Variants in SH3KBP1 observed in about 807,000 individuals in gnomAD.
The protein encoded by SH3KBP1 is SH3 domain-containing kinase-binding protein 1.
SH3KBP1 carries 8 observed loss-of-function variants against 50.1 expected under a neutral mutation model. That is an observed-to-expected ratio of 0.16 (90% CI 0.09 to 0.29). The LOEUF (loss-of-function observed/expected upper bound fraction) is 0.29. SH3KBP1 is among the 10% of genes least tolerant of loss of function. The probability of loss-of-function intolerance (pLI) is 1.00; values close to 1 mark genes in which losing one functional copy is unlikely to be tolerated. For synonymous variants in SH3KBP1, 227 were observed against 218.6 expected, an observed-to-expected ratio of 1.04 and a Z score of -0.34; for missense variants, 377 against 535.2, an observed-to-expected ratio of 0.70 and a Z score of 2.92.
At chrX:19,795,117 T>C (rs1327562037) in intron 2 of SH3KBP1, among the ~76,000 whole-genome samples, 1 of 112,090 alleles carries the variant, frequency 8.9e-6, no homozygotes. Flanking sequence ...CCCTTTCATT[T>C]CTATGCACAC....
At chrX:19,691,987 T>C (rs909862835) in intron 5 of SH3KBP1, among the ~76,000 whole-genome samples, 1 of 112,006 alleles carries the variant, frequency 8.9e-6, no homozygotes, top group African/African-American at 3.2e-5. Flanking sequence ...AGAGGTTCAT[T>C]ATACTATTAT....
At chrX:19,836,376 G>A (rs182575743) in intron 1 of SH3KBP1, 94 bp from the exon 2 acceptor site, 1 of 773,238 alleles carries the variant, frequency 1.3e-6, no homozygotes, top group Non-Finnish European at 1.9e-6. Flanking sequence ...TAACATTAAA[G>A]GGACTTCCCC....
intron 2 of SH3KBP1, among the ~76,000 whole-genome samples, chrX:19,774,224 T>C (rs1022982661): frequency 9.0e-6 from 1 of 111,309 alleles, no homozygotes; most frequent in Non-Finnish European, 1.9e-5. Flanking sequence ...CTCCTATTTC[T>C]GGTATGAAAT....
intron 13 of SH3KBP1, among the ~76,000 whole-genome samples, chrX:19,559,486 C>T (rs2065604677): frequency 1.9e-5 from 2 of 105,004 alleles, no homozygotes; most frequent in Admixed American, 1.0e-4. Flanking sequence ...GCCACCACAC[C>T]CACCTAAAAG....
chrX:19,872,004 C>T (rs1277941604), intron 1 of SH3KBP1, among the ~76,000 whole-genome samples: 2 of 109,602 alleles, frequency 1.8e-5, no homozygotes, highest in Non-Finnish European at 3.8e-5. Context: ...GTAATCCCAG[C>T]ACTTTGGGAG....
intron 9 of SH3KBP1, 42 bp downstream of exon 9, chrX:19,607,896 G>A: frequency 1.8e-6 from 2 of 1,099,431 alleles, no homozygotes; most frequent in Non-Finnish European, 2.5e-6. Flanking sequence ...GTCCCAACAT[G>A]GGAGCCACAA....
chrX:19,839,483 C>T (rs2068162514), intron 1 of SH3KBP1, among the ~76,000 whole-genome samples: 1 of 110,750 alleles, frequency 9.0e-6, no homozygotes, highest in Admixed American at 9.6e-5. Context: ...ACTACAGGTG[C>T]ACACCACCAT....
intron 1 of SH3KBP1, among the ~76,000 whole-genome samples, chrX:19,849,756 TCAAA>T (rs1475570124): frequency 8.2e-5 from 9 of 110,126 alleles, no homozygotes; most frequent in South Asian, 3.9e-4. Context: ...AAATCGTGAT[TCAAA>T]CAAACACCTT....
chrX:19,837,977 T>A (rs1419506316), intron 1 of SH3KBP1, among the ~76,000 whole-genome samples: 1 of 111,055 alleles, frequency 9.0e-6, no homozygotes, highest in African/African-American at 3.3e-5. Flanking sequence ...AAACTTTTTA[T>A]AAGAATGGAT....
intron 15 of SH3KBP1, among the ~76,000 whole-genome samples, chrX:19,542,985 G>T (rs1602406140): frequency 8.9e-6 from 1 of 112,135 alleles, no homozygotes; most frequent in Non-Finnish European, 1.9e-5. Context: ...GGAGAGAACT[G>T]CTGGGAGAGT....
At position 19,659,109 on chromosome X, in the gene SH3KBP1, A is replaced by AT. The variant is rs147804094; in HGVS notation, c.727-13635dup. ...AGATACACACCATCATGCCCAGCTA[A>AT]TTTTTTTTTTTTTTTTTTTTTTGAG... On this transcript the variant is annotated intron_variant, in intron 6 of 17. Transcript: ENST00000397821. 8.9e-3 allele frequency among the ~76,000 whole-genome samples: 510 copies of AT among 57,316 alleles called. 10 individuals carry two copies. The highest frequency in any genetic ancestry group is 0.023 in the African/African-American group (410 of 17,578). 49.8% of individuals were successfully genotyped at this position (57,316 alleles called of 115,157 possible). A position where few individuals can be genotyped will look rare whatever the true frequency, so the allele number is the denominator to read the frequency against.
chrX:19,817,310 C>CA (rs967372601), intron 2 of SH3KBP1, among the ~76,000 whole-genome samples: 9 of 110,400 alleles, frequency 8.2e-5, no homozygotes, highest in African/African-American at 9.8e-5. Context: ...TCTATAGCTA[C>CA]AAAAAAAAAT....
At chrX:19,542,599 T>C (rs2064955173) in intron 15 of SH3KBP1, among the ~76,000 whole-genome samples, 1 of 110,899 alleles carries the variant, frequency 9.0e-6, no homozygotes, top group African/African-American at 3.3e-5. Flanking sequence ...GGGGGACAAC[T>C]GCACAGAGGG....
chrX:19,584,674 T>C (rs946371074), intron 12 of SH3KBP1, among the ~76,000 whole-genome samples: 3 of 111,379 alleles, frequency 2.7e-5, no homozygotes, highest in Non-Finnish European at 3.8e-5. Context: ...CTGAAAGTGA[T>C]GATGCTTTTC....
At chrX:19,612,826 G>A (rs188041511) in intron 8 of SH3KBP1, among the ~76,000 whole-genome samples, 1 of 111,991 alleles carries the variant, frequency 8.9e-6, no homozygotes, top group Non-Finnish European at 1.9e-5. Flanking sequence ...TTACAAACAA[G>A]TGGGACCAAG....
chrX:19,802,121 G>A (rs1200635287), intron 2 of SH3KBP1, among the ~76,000 whole-genome samples: 13 of 105,588 alleles, frequency 1.2e-4, no homozygotes, highest in African/African-American at 3.5e-4. Context: ...GGCTCAGTGC[G>A]GTGGCTCATG....
At chrX:19,797,890 A>AACACACAC (rs60418789) in intron 2 of SH3KBP1, among the ~76,000 whole-genome samples, 24 of 97,417 alleles carry the variant, frequency 2.5e-4, no homozygotes, top group South Asian at 9.6e-4. Flanking sequence ...AAGTGCCCTA[A>AACACACAC]ACACACACAC....
intron 3 of SH3KBP1, among the ~76,000 whole-genome samples, chrX:19,740,992 A>G (rs1363261052): frequency 8.9e-6 from 1 of 112,891 alleles, no homozygotes; most frequent in African/African-American, 3.2e-5. Context: ...ATTAAGCAAC[A>G]TTCTTCTGAC....
chrX:19,570,747 G>C (rs764093580), intron 12 of SH3KBP1, among the ~76,000 whole-genome samples: 1 of 111,559 alleles, frequency 9.0e-6, no homozygotes, highest in African/African-American at 3.3e-5. Context: ...CTTGGGCCCA[G>C]GAGTTTGGGA....
Sources: gnomAD v4.1 joint callset for allele counts (sites outside exome capture counted in the v4.1 genomes callset) on GRCh38, gnomAD v4.1.1 for gene constraint, MANE v1.5 for transcripts, NCBI Gene and HGNC (gene_info 2026-07-23, HGNC 2026-07-21) for gene names.